The following ADORA2B variants were observed in gnomAD, a reference collection of about 807,000 sequenced individuals.
ADORA2B encodes the protein adenosine receptor A2b.
In ADORA2B, 18 loss-of-function variants were observed where a neutral mutation model predicts 20.8. That is an observed-to-expected ratio of 0.87 (90% CI 0.60 to 1.29). The LOEUF is 1.29. Among genes scored for constraint, ADORA2B ranks in the 50% most tolerant of loss-of-function variants. ADORA2B has a pLI of 0.00. For synonymous variants in ADORA2B, 179 were observed against 178.3 expected (o/e 1.00, Z -0.03); for missense variants, 441 against 422.7 (o/e 1.04, Z -0.38).
chr17:15,890,296 A>C, the ADORA2B span, among the ~76,000 whole-genome samples: 4 of 128,506 alleles, frequency 3.1e-5, 1 homozygote, highest in Admixed American at 1.5e-4. Flanking sequence ...TTTCCTCTTC[A>C]GTATGTTACT....
At chr17:15,876,553 T>G in the ADORA2B span, among the ~76,000 whole-genome samples, 1 of 151,738 alleles carries the variant, frequency 6.6e-6, no homozygotes, top group South Asian at 2.1e-4. Context: ...TCTTCTACTC[T>G]GTTTTCTTTT....
the ADORA2B span, among the ~76,000 whole-genome samples, chr17:15,931,388 A>C: frequency 4.6e-5 from 7 of 152,182 alleles, no homozygotes; most frequent in Non-Finnish European, 1.0e-4. Context: ...GTGAGATCTG[A>C]TATCTTTGAA....
chr17:15,911,907 A>G, the ADORA2B span, among the ~76,000 whole-genome samples: 1 of 152,024 alleles, frequency 6.6e-6, no homozygotes, highest in African/African-American at 2.4e-5. Context: ...CTGCAAGAAA[A>G]TTTTTTTAAA....
the ADORA2B span, among the ~76,000 whole-genome samples, chr17:15,883,373 T>C: frequency 2.6e-5 from 4 of 152,362 alleles, no homozygotes; most frequent in East Asian, 5.8e-4. Context: ...TATTAACTTA[T>C]GACTTAATGT....
chr17:15,964,795 C>T (rs762162807), intron 1 of ADORA2B, among the ~76,000 whole-genome samples: 54 of 151,544 alleles, frequency 3.6e-4, no homozygotes, highest in Admixed American at 7.2e-4. Flanking sequence ...GGCGCGGTGG[C>T]TCACGCCTGT....
the ADORA2B span, among the ~76,000 whole-genome samples, chr17:15,862,806 C>CT: frequency 0.012 from 1,659 of 137,900 alleles, 43 homozygotes; most frequent in African/African-American, 0.041. Context: ...GGAGTAATAG[C>CT]TTTTTTTTTT....
chr17:15,916,447 A>C, the ADORA2B span, among the ~76,000 whole-genome samples: 1 of 151,754 alleles, frequency 6.6e-6, no homozygotes, highest in Non-Finnish European at 1.5e-5. Context: ...CTCCTGAGTG[A>C]ACAACTCCTG....
At chr17:15,921,659 G>A in the ADORA2B span, among the ~76,000 whole-genome samples, 1 of 152,042 alleles carries the variant, frequency 6.6e-6, no homozygotes, top group Non-Finnish European at 1.5e-5. Context: ...AAGTGGCAAG[G>A]GATAGAGTCC....
chr17:15,939,415 C>A, the ADORA2B span, among the ~76,000 whole-genome samples: 6 of 152,178 alleles, frequency 3.9e-5, no homozygotes, highest in African/African-American at 9.7e-5. Context: ...AACTGATTAA[C>A]CAGGACTGCT....
rs182695672 is a variant in ADORA2B at position 15,945,990 on chromosome 17, G to A, written c.335+407G>A. Among the ~76,000 whole-genome samples, 24 of 152,236 alleles carry A rather than the reference G, an allele frequency of 1.6e-4. No individual in the cohort carries two copies. The East Asian group carries it at 4.7e-3, about 30-fold the overall frequency. On this transcript the variant is annotated intron_variant, in intron 1 of 1. Transcript: ENST00000304222. ...GCCACGAAGGCCGTTCCTAACACTC[G>A]CCCGCAGCGGCGGTGCAGCGGCAGT...
the ADORA2B span, among the ~76,000 whole-genome samples, chr17:15,931,078 A>T: frequency 6.6e-6 from 1 of 152,198 alleles, no homozygotes; most frequent in South Asian, 2.1e-4. Context: ...GTGTTTTGGG[A>T]GGCTGAGACA....
upstream of ADORA2B, among the ~76,000 whole-genome samples, chr17:15,942,327 T>C (rs1969752445): frequency 6.6e-6 from 1 of 152,086 alleles, no homozygotes; most frequent in Admixed American, 6.5e-5. Context: ...CTCTTGCTCC[T>C]GCTTTCCCCA....
the ADORA2B span, among the ~76,000 whole-genome samples, chr17:15,869,292 C>G: frequency 6.6e-6 from 1 of 151,578 alleles, no homozygotes; most frequent in South Asian, 2.1e-4. Flanking sequence ...TGCACTGTAG[C>G]CTGGGTGACA....
At chr17:15,961,180 C>T (rs1970035183) in intron 1 of ADORA2B, among the ~76,000 whole-genome samples, 1 of 148,488 alleles carries the variant, frequency 6.7e-6, no homozygotes, top group Non-Finnish European at 1.5e-5. Context: ...AAAAAAAAGG[C>T]AAAAGCTGCT....
chr17:15,931,931 C>T, the ADORA2B span, among the ~76,000 whole-genome samples: 7 of 151,882 alleles, frequency 4.6e-5, no homozygotes, highest in African/African-American at 1.7e-4. Flanking sequence ...GGGGTTTAAC[C>T]ATGTTGGTCA....
the ADORA2B span, among the ~76,000 whole-genome samples, chr17:15,928,202 G>A: frequency 7.2e-5 from 11 of 152,270 alleles, no homozygotes; most frequent in East Asian, 9.7e-4. Context: ...TTGGCAAGAC[G>A]TATGTTGCTG....
chr17:15,950,186 G>A (rs1431242510), intron 1 of ADORA2B, among the ~76,000 whole-genome samples: 1 of 152,214 alleles, frequency 6.6e-6, no homozygotes, highest in Non-Finnish European at 1.5e-5. Context: ...ACTCTTAGAA[G>A]ATAAATCTGC....
chr17:15,929,996 G>GT, the ADORA2B span, among the ~76,000 whole-genome samples: 11 of 152,204 alleles, frequency 7.2e-5, no homozygotes, highest in Non-Finnish European at 1.5e-4. Flanking sequence ...CCACCAAAAT[G>GT]TTTAAGAGGA....
intron 1 of ADORA2B, among the ~76,000 whole-genome samples, chr17:15,966,947 A>AACGGAAGG (rs1177346522): frequency 6.6e-6 from 1 of 152,232 alleles, no homozygotes; most frequent in Non-Finnish European, 1.5e-5. Context: ...CGGGCTGGCG[A>AACGGAAGG]ACGGAAGGAC....
Sources: allele counts gnomAD v4.1 joint callset (sites outside exome capture counted in the v4.1 genomes callset), GRCh38; gene constraint gnomAD v4.1.1; transcripts MANE v1.5; gene names NCBI Gene and HGNC (gene_info 2026-07-23, HGNC 2026-07-21).